Variants in SAMTOR observed in about 807,000 individuals in gnomAD.
SAMTOR encodes the protein S-adenosylmethionine sensor upstream of mTORC1.
chr7:112,860,588 T>G, the SAMTOR span, among the ~76,000 whole-genome samples: 4 of 151,930 alleles, frequency 2.6e-5, no homozygotes, highest in African/African-American at 9.7e-5. Flanking sequence ...AAACTAAAAC[T>G]AATACAAATG....
chr7:112,872,944 C>CATGTAGGATTTAACTTTCAG, the SAMTOR span, among the ~76,000 whole-genome samples: 3 of 151,512 alleles, frequency 2.0e-5, no homozygotes, highest in East Asian at 6.2e-4. Context: ...CGTGTGTGCA[C>CATGTAGGATTTAACTTTCAG]GTGCGTGCAC....
the SAMTOR span, among the ~76,000 whole-genome samples, chr7:112,922,604 C>T: frequency 1.2e-4 from 18 of 151,286 alleles, no homozygotes; most frequent in East Asian, 1.4e-3. Context: ...GCCTCTGCCC[C>T]GCCGCCCCGT....
the SAMTOR span, among the ~76,000 whole-genome samples, chr7:112,917,920 C>G: frequency 1.3e-5 from 2 of 152,152 alleles, no homozygotes; most frequent in African/African-American, 4.8e-5. Flanking sequence ...AAGAAATGAA[C>G]AAAGCCTCCA....
the SAMTOR span, among the ~76,000 whole-genome samples, chr7:112,887,212 C>T: frequency 1.3e-5 from 2 of 150,898 alleles, no homozygotes; most frequent in African/African-American, 2.4e-5. Flanking sequence ...TCATATTATT[C>T]GTTTTTAAAA....
the SAMTOR span, among the ~76,000 whole-genome samples, chr7:112,923,370 A>G: frequency 6.6e-6 from 1 of 151,952 alleles, no homozygotes; most frequent in Non-Finnish European, 1.5e-5. Context: ...TGCCTAGGAA[A>G]ACCAGAGACC....
chr7:112,939,728 C>T, the SAMTOR span: 3 of 1,603,898 alleles, frequency 1.9e-6, no homozygotes, highest in African/African-American at 1.3e-5. Context: ...AGCAGTATTT[C>T]GGCCGCCGGC....
At chr7:112,902,416 CA>C in the SAMTOR span, among the ~76,000 whole-genome samples, 31 of 12,316 alleles carry the variant, frequency 2.5e-3, 2 homozygotes, top group African/African-American at 6.5e-3. Context: ...AACTCCGTCT[CA>C]AAAAAAAAAA....
the SAMTOR span, among the ~76,000 whole-genome samples, chr7:112,930,917 C>T: frequency 6.6e-6 from 1 of 152,160 alleles, no homozygotes; most frequent in Non-Finnish European, 1.5e-5. Context: ...TGCTTCTCTT[C>T]ATAAGTTTTT....
the SAMTOR span, among the ~76,000 whole-genome samples, chr7:112,915,712 T>C: frequency 1.3e-5 from 2 of 152,194 alleles, no homozygotes; most frequent in African/African-American, 4.8e-5. Flanking sequence ...AATAAATGAA[T>C]GATAACAGAT....
At chr7:112,921,083 T>C in the SAMTOR span, among the ~76,000 whole-genome samples, 3 of 152,066 alleles carry the variant, frequency 2.0e-5, no homozygotes, top group African/African-American at 4.8e-5. Flanking sequence ...CTTCACAGAA[T>C]TGGAAAAAAC....
At chr7:112,823,997 T>C in the SAMTOR span, among the ~76,000 whole-genome samples, 1 of 152,248 alleles carries the variant, frequency 6.6e-6, no homozygotes, top group Non-Finnish European at 1.5e-5. Context: ...ATTTTGCCCA[T>C]TTAAAAATAA....
the SAMTOR span, among the ~76,000 whole-genome samples, chr7:112,859,585 ATGACC>A: frequency 6.6e-6 from 1 of 152,158 alleles, no homozygotes; most frequent in Non-Finnish European, 1.5e-5. Context: ...TTTGCCAGTA[ATGACC>A]TGCCAGTGGG....
At chr7:112,928,660 G>T in the SAMTOR span, among the ~76,000 whole-genome samples, 20 of 152,000 alleles carry the variant, frequency 1.3e-4, no homozygotes, top group African/African-American at 4.3e-4. Context: ...TCAAACTACA[G>T]AGGATGGCTT....
At chr7:112,924,327 A>G in the SAMTOR span, among the ~76,000 whole-genome samples, 1 of 152,196 alleles carries the variant, frequency 6.6e-6, no homozygotes, top group African/African-American at 2.4e-5. Flanking sequence ...AAAAGGAATT[A>G]TAATAGTCCA....
At chr7:112,913,714 A>C in the SAMTOR span, among the ~76,000 whole-genome samples, 3 of 152,264 alleles carry the variant, frequency 2.0e-5, no homozygotes, top group Admixed American at 2.0e-4. Context: ...CTCTGGCCAC[A>C]CTGGTCTCCT....
At chr7:112,879,951 G>A in the SAMTOR span, among the ~76,000 whole-genome samples, 1 of 152,194 alleles carries the variant, frequency 6.6e-6, no homozygotes, top group African/African-American at 2.4e-5. Flanking sequence ...TTCAATTCTA[G>A]TTACTAAAAT....
chr7:112,832,768 C>T, the SAMTOR span: 1 of 728,070 alleles, frequency 1.4e-6, no homozygotes, highest in South Asian at 1.8e-5. Context: ...GTCTCAGGAC[C>T]CTTTTACACA....
At chr7:112,865,491 T>C in the SAMTOR span, among the ~76,000 whole-genome samples, 1 of 151,946 alleles carries the variant, frequency 6.6e-6, no homozygotes, top group Non-Finnish European at 1.5e-5. Flanking sequence ...TTGGCCAGGA[T>C]GGTCTCAATC....
the SAMTOR span, among the ~76,000 whole-genome samples, chr7:112,919,838 A>G: frequency 3.9e-4 from 59 of 152,258 alleles, 1 homozygote; most frequent in Admixed American, 3.1e-3. Flanking sequence ...CAAATAAACT[A>G]GAAAATCTAG....
Sources: gnomAD v4.1 joint callset for allele counts (sites outside exome capture counted in the v4.1 genomes callset) on GRCh38, gnomAD v4.1.1 for gene constraint, MANE v1.5 for transcripts, NCBI Gene and HGNC (gene_info 2026-07-23, HGNC 2026-07-21) for gene names.